KCNK18: variants seen among roughly 807,000 people sequenced by gnomAD.
KCNK18 encodes potassium two pore domain channel subfamily K member 18.
In KCNK18, 8 loss-of-function variants were observed where a neutral mutation model predicts 11.8. The observed-to-expected ratio is 0.68, with a 90% CI of 0.40 to 1.22. The LOEUF is 1.22. Ranked by LOEUF, KCNK18 falls within the 50% of genes most tolerant of loss-of-function variation. KCNK18 has a pLI of 0.01. For missense variants in KCNK18, 442 were observed against 465.4 expected, an observed-to-expected ratio of 0.95 and a Z score of 0.46; for synonymous variants, 208 against 185.8, an observed-to-expected ratio of 1.12 and a Z score of -0.97.
At chr10:117,198,445 G>C (rs1279147628) in intron 1 of KCNK18, among the ~76,000 whole-genome samples, 1 of 152,182 alleles carries the variant, frequency 6.6e-6, no homozygotes, top group Non-Finnish European at 1.5e-5. Flanking sequence ...GTGAGAAGCA[G>C]AGGAGACAAG....
intron 2 of KCNK18, among the ~76,000 whole-genome samples, chr10:117,202,131 C>A (rs1004663799): frequency 6.6e-6 from 1 of 152,194 alleles, no homozygotes; most frequent in African/African-American, 2.4e-5. Flanking sequence ...AGTGCCCATC[C>A]CTAGGAGGAC....
At chr10:117,203,204 G>C (rs566255189) in intron 2 of KCNK18, among the ~76,000 whole-genome samples, 1 of 152,196 alleles carries the variant, frequency 6.6e-6, no homozygotes, top group South Asian at 2.1e-4. Context: ...GATGCAGGCA[G>C]GGATGGGTGA....
intron 1 of KCNK18, among the ~76,000 whole-genome samples, chr10:117,200,579 AG>A (rs1855001002): frequency 6.6e-6 from 1 of 152,158 alleles, no homozygotes; most frequent in South Asian, 2.1e-4. Flanking sequence ...AGGCTGAGGC[AG>A]GTGGATCACA....
intron 2 of KCNK18, among the ~76,000 whole-genome samples, chr10:117,202,860 C>T (rs147371607): frequency 1.8e-4 from 25 of 138,346 alleles, no homozygotes; most frequent in African/African-American, 6.1e-4. Flanking sequence ...ACAGCCCCCA[C>T]GTGGTTTCTC....
intron 2 of KCNK18, among the ~76,000 whole-genome samples, chr10:117,202,234 T>A (rs1227007802): frequency 2.0e-5 from 3 of 152,130 alleles, no homozygotes; most frequent in African/African-American, 7.2e-5. Flanking sequence ...AGCTGTGGAA[T>A]CTCCAGCAAG....
At chr10:117,200,143 T>A (rs1854995897) in intron 1 of KCNK18, among the ~76,000 whole-genome samples, 1 of 152,190 alleles carries the variant, frequency 6.6e-6, no homozygotes, top group Non-Finnish European at 1.5e-5. Context: ...AGTGGCACGA[T>A]CTTGGCTCAC....
Position 117,209,948 on chromosome 10 carries a change from C to T in KCNK18, c.804C>T (p.Asn268=). ...LGRLSYSIIS[N]LDEVGQQVER... Reference sequence around the variant, plus strand: ...GACTCTCATACTCCATCATCAGCAACCTGGATGAAGTTGGACAGCAGGTGG... The same window carrying T: ...GACTCTCATACTCCATCATCAGCAATCTGGATGAAGTTGGACAGCAGGTGG... Residue 268 remains asparagine, a synonymous_variant, in exon 3 of 3, where the codon AAC becomes AAT. Coordinates refer to ENST00000334549, the MANE Select transcript of KCNK18 (RefSeq NM_181840.1). 6.2e-7 allele frequency: 1 copy of T among 1,614,224 alleles called. No homozygotes were observed. Among genetic ancestry groups the T allele is most frequent in the Non-Finnish European group, 8.5e-7 (1 of 1,180,044 alleles).
intron 2 of KCNK18, 61 bp downstream of exon 2, chr10:117,201,348 C>T: frequency 6.3e-7 from 1 of 1,587,094 alleles, no homozygotes; most frequent in Non-Finnish European, 8.6e-7. Context: ...TTCTGGGTGG[C>T]AAAGGACACT....
intron 1 of KCNK18, among the ~76,000 whole-genome samples, chr10:117,200,538 T>G (rs983771813): frequency 1.2e-4 from 18 of 151,982 alleles, no homozygotes; most frequent in African/African-American, 2.7e-4. Context: ...CGGGGCGCGG[T>G]GGCTCACGCC....
chr10:117,207,472 G>A (rs1358506480), intron 2 of KCNK18, among the ~76,000 whole-genome samples: 2 of 152,230 alleles, frequency 1.3e-5, no homozygotes, highest in Non-Finnish European at 2.9e-5. Flanking sequence ...GAGGCTCAGA[G>A]AGATCGTATC....
At chr10:117,202,111 C>T (rs363355) in intron 2 of KCNK18, among the ~76,000 whole-genome samples, 132 of 152,328 alleles carry the variant, frequency 8.7e-4, no homozygotes, top group African/African-American at 3.0e-3. Context: ...TCTCCTCCTT[C>T]GAGAGAGCAA....
chr10:117,209,419 A>G (rs1272826540), intron 2 of KCNK18, 78 bp from the exon 3 acceptor site: 5 of 1,144,100 alleles, frequency 4.4e-6, no homozygotes, highest in Non-Finnish European at 6.7e-6. Context: ...GGGAGATGGC[A>G]GAAGGTCTCT....
In KCNK18 at chr10:117,209,734, A is replaced by C; in HGVS notation, c.590A>C (p.Glu197Ala). The C allele has an allele frequency of 6.2e-7, 1 of 1,614,158 alleles. No homozygotes were observed. Among genetic ancestry groups the C allele is most frequent in the Non-Finnish European group, 8.5e-7 (1 of 1,180,018 alleles). Reference protein sequence around the residue: ...KKKPDPKPADEAVPQIIISAE... With the variant: ...KKKPDPKPADAAVPQIIISAE... ...AAACCGGACCCCAAGCCCGCAGATG[A>C]AGCTGTCCCTCAGATCATCATCAGT... Residue 197 changes from glutamate (E) to alanine (A), a missense_variant, in exon 3 of 3, where the codon GAA (glutamate) becomes GCA (alanine). By Grantham distance (107) the Glu-to-Ala change is moderately radical (BLOSUM62 -1). Transcript: ENST00000334549.
chr10:117,202,755 T>A (rs1442281365), intron 2 of KCNK18, among the ~76,000 whole-genome samples: 1 of 152,168 alleles, frequency 6.6e-6, no homozygotes. Flanking sequence ...GCAGTGGGTC[T>A]GCAGGGAAGA....
chr10:117,206,474 G>T (rs1452626577), intron 2 of KCNK18, among the ~76,000 whole-genome samples: 1 of 152,140 alleles, frequency 6.6e-6, no homozygotes, highest in African/African-American at 2.4e-5. Context: ...CATCGACAAA[G>T]ACCCACTTAC....
rs773319778 is a variant in KCNK18 at position 117,197,517 on chromosome 10, G to T, written c.29G>T (p.Arg10Met). 1 of 1,613,848 alleles carries T rather than the reference G, an allele frequency of 6.2e-7. No individual in the cohort carries two copies. Among genetic ancestry groups the T allele is most frequent in the African/African-American group, 1.3e-5 (1 of 75,050 alleles). Residue 10 changes from arginine (R) to methionine (M), a missense_variant, in exon 1 of 3, where the codon AGG becomes ATG. By Grantham distance (91) the Arg-to-Met change is moderately conservative. Transcript: ENST00000334549. ...GAGGTCTCGGGGCACCCCCAGGCCA[G>T]GAGATGCTGCCCAGAGGCCCTGGGA... MEVSGHPQA[R>M]RCCPEALGKL... is the part of the protein sequence containing the mutation.
At position 117,197,589 on chromosome 10, in the gene KCNK18, C is replaced by A. The variant is rs1431437151; in HGVS notation, c.101C>A (p.Ala34Asp). ...TTCCTCTGCTTTCTGGTGACCTACGCCCTGGTGGGTGCTGTGGTCTTCTCT... is the reference window on the plus strand; with the variant it reads ...TTCCTCTGCTTTCTGGTGACCTACGACCTGGTGGGTGCTGTGGTCTTCTCT... ...LCFLCFLVTY[A>D]LVGAVVFSAI... is the part of the protein sequence containing the mutation. The change falls in exon 1 of 3, where the codon GCC (alanine) becomes GAC (aspartate). Residue 34 changes from alanine to aspartate, a missense_variant. Ala to Asp is a moderately radical substitution (Grantham distance 126). Coordinates refer to ENST00000334549, the MANE Select transcript of KCNK18 (RefSeq NM_181840.1). The A allele has an allele frequency of 3.7e-6, 6 of 1,614,094 alleles. No individual in the cohort carries two copies. The Admixed American group carries it at 1.0e-4, about 27-fold the overall frequency.
At chr10:117,202,953 T>C (rs1316569661) in intron 2 of KCNK18, among the ~76,000 whole-genome samples, 1 of 138,938 alleles carries the variant, frequency 7.2e-6, no homozygotes, top group Non-Finnish European at 1.5e-5. Flanking sequence ...CTTGGCTCAC[T>C]GCAACCTCTG....
chr10:117,200,978 C>CTA (rs1855007237), intron 1 of KCNK18, among the ~76,000 whole-genome samples, 181 bp from the exon 2 acceptor site: 2 of 152,208 alleles, frequency 1.3e-5, no homozygotes, highest in African/African-American at 4.8e-5. Flanking sequence ...GGACTGAAGG[C>CTA]AGGACCCAGG....
Sources: allele counts gnomAD v4.1 joint callset (sites outside exome capture counted in the v4.1 genomes callset), GRCh38; gene constraint gnomAD v4.1.1; transcripts MANE v1.5; gene names NCBI Gene and HGNC (gene_info 2026-07-23, HGNC 2026-07-21).